The following ATXN2L variants were observed in gnomAD, a reference collection of about 807,000 sequenced individuals.
ATXN2L encodes ataxin 2 like.
A neutral mutation model predicts 120.7 loss-of-function variants in ATXN2L; 24 were observed. The observed-to-expected ratio is 0.20, with a 90% CI of 0.14 to 0.28. ATXN2L has a LOEUF of 0.28. Ranked by LOEUF, ATXN2L falls within the 10% of genes least tolerant of loss-of-function variation. The probability of loss-of-function intolerance (pLI) is 1.00; values close to 1 mark genes in which losing one functional copy is unlikely to be tolerated. For synonymous variants in ATXN2L, 653 were observed against 568.1 expected (o/e 1.15, Z -2.13); for missense variants, 1,312 against 1,432.3 (o/e 0.92, Z 1.36).
At chr16:28,825,869 T>C in intron 4 of ATXN2L, 28 bp downstream of exon 4, 2 of 1,593,892 alleles carry the variant, frequency 1.3e-6, no homozygotes, top group Non-Finnish European at 1.7e-6. Flanking sequence ...TAATTATTTT[T>C]GGAGTTGCAG....
At position 28,836,872 on chromosome 16, in the gene ATXN2L, A is replaced by G; in HGVS notation, c.*607A>G. The G allele has an allele frequency of 7.6e-7, 1 of 1,309,774 alleles. No individual in the cohort carries two copies. The highest frequency in any genetic ancestry group is 1.1e-6 in the Non-Finnish European group (1 of 925,372). 81.1% of individuals were successfully genotyped at this position (1,309,774 alleles called of 1,614,324 possible). Reference sequence around the variant, plus strand: ...CAGCTCGGACCACTCCCAGCCCCCCATCCCCCCGTTCCCCAGGGGAGCTGG... The same window carrying G: ...CAGCTCGGACCACTCCCAGCCCCCCGTCCCCCCGTTCCCCAGGGGAGCTGG... On this transcript the variant is annotated 3_prime_UTR_variant, in exon 22 of 22. Transcript: ENST00000336783.
chr16:28,836,442 T>C lies in ATXN2L; in HGVS notation c.*177T>C. The C allele has an allele frequency of 3.7e-6, 6 of 1,612,696 alleles. No individual in the cohort carries two copies. The highest frequency in any genetic ancestry group is 5.1e-6 in the Non-Finnish European group (6 of 1,179,660). ...TCCAGCAGCCCCCCTCCCCACTGCCTCCCCAGCTCTCAGTGACCCCGACTG... is the reference window on the plus strand; with the variant it reads ...TCCAGCAGCCCCCCTCCCCACTGCCCCCCCAGCTCTCAGTGACCCCGACTG... On this transcript the variant is annotated 3_prime_UTR_variant, in exon 22 of 22. Coordinates refer to ENST00000336783, the MANE Select transcript of ATXN2L (RefSeq NM_007245.4).
rs565431804 is a variant in ATXN2L at position 28,836,267 on chromosome 16, G to A, written c.*2G>A. 5 of 1,610,832 alleles carry A rather than the reference G, an allele frequency of 3.1e-6. No homozygotes were observed. The highest frequency in any genetic ancestry group is 1.7e-5 in the Admixed American group (1 of 59,864). On this transcript the variant is annotated 3_prime_UTR_variant, in exon 22 of 22. Transcript: ENST00000336783. Reference sequence around the variant, plus strand: ...GCACGGGTTCTGGGTGGGGAGTGAGGGGTCTTGGAGGCAGGGCTGTCCCAC... The same window carrying A: ...GCACGGGTTCTGGGTGGGGAGTGAGAGGTCTTGGAGGCAGGGCTGTCCCAC...
At chr16:28,823,622 TG>T in intron 1 of ATXN2L, 64 bp downstream of exon 1, 1 of 1,262,026 alleles carries the variant, frequency 7.9e-7, no homozygotes, top group Non-Finnish European at 1.0e-6. Context: ...TCGGTTCCGG[TG>T]GGGCGGACCC....
rs1226525224 is a variant in ATXN2L at position 28,823,422 on chromosome 16, G to T, written c.163G>T (p.Ala55Ser). ...SAAPPGPPAA[A>S]SPCLGPVAAA... ...GGCTCCTCCCGGGCCTCCAGCGGCC[G>T]CCTCCCCCTGCCTGGGGCCTGTGGC... The change falls in exon 1 of 22, where the codon GCC becomes TCC. Residue 55 changes from alanine to serine, a missense_variant. Ala to Ser is a moderately conservative substitution (Grantham distance 99, BLOSUM62 1). Transcript: ENST00000336783. 1 of 1,298,814 alleles carries T rather than the reference G, an allele frequency of 7.7e-7. No homozygotes were observed. The highest frequency in any genetic ancestry group is 9.7e-7 in the Non-Finnish European group (1 of 1,026,884). 80.5% of individuals were successfully genotyped at this position (1,298,814 alleles called of 1,614,324 possible). A position where few individuals can be genotyped will look rare whatever the true frequency, so the allele number is the denominator to read the frequency against.
At chr16:28,824,934 C>T (rs755299276) in intron 1 of ATXN2L, among the ~76,000 whole-genome samples, 5 of 151,956 alleles carry the variant, frequency 3.3e-5, no homozygotes, top group African/African-American at 4.8e-5. Flanking sequence ...ATTGGCCGGG[C>T]GCAGTGGCTC....
rs759899363 is a variant in ATXN2L at position 28,836,750 on chromosome 16, G to A, written c.*485G>A. ...CAGTTCAATCTCATCCCTCCCAGCA[G>A]CTCCCCTTCCACCCCCCGGGGAACT... On this transcript the variant is annotated 3_prime_UTR_variant, in exon 22 of 22. Transcript: ENST00000336783. 6.2e-7 allele frequency: 1 copy of A among 1,613,918 alleles called. No individual in the cohort carries two copies. Among genetic ancestry groups the A allele is most frequent in the Admixed American group, 1.7e-5 (1 of 59,986 alleles).
At chr16:28,835,815 G>C in intron 21 of ATXN2L, 57 bp downstream of exon 21, 1 of 1,606,968 alleles carries the variant, frequency 6.2e-7, no homozygotes, top group East Asian at 2.2e-5. Flanking sequence ...TCTGCCATGG[G>C]GACCATCCCA....
chr16:28,827,097 G>A, intron 6 of ATXN2L, 111 bp downstream of exon 6: 1 of 1,130,408 alleles, frequency 8.8e-7, no homozygotes, highest in African/African-American at 1.6e-5. Context: ...ATTGATGGTA[G>A]TCAGATAACA....
At position 28,824,386 on chromosome 16, in the gene ATXN2L, T is replaced by G. The variant is rs893331997; in HGVS notation, c.299+828T>G. ...GGGGTTCGGAAAGTCCCGTGGGTTT[T>G]AGTGCGCAGGCGCAGACCGGGCGAG... On this transcript the variant is annotated intron_variant, in intron 1 of 21. Coordinates refer to ENST00000336783, the MANE Select transcript of ATXN2L (RefSeq NM_007245.4). 3 of 1,257,506 alleles carry G rather than the reference T, an allele frequency of 2.4e-6. No homozygotes were observed. In the Admixed American group the frequency reaches 7.5e-5, roughly 32 times the overall value. The allele number at this position is 1,257,506 out of a possible 1,614,324, so 77.9% of individuals were successfully genotyped here.
chr16:28,823,630 A>C (rs2050395283), intron 1 of ATXN2L, 72 bp downstream of exon 1: 1 of 1,243,824 alleles, frequency 8.0e-7, no homozygotes, highest in African/African-American at 1.6e-5. Flanking sequence ...GGTGGGGCGG[A>C]CCCCGACCCG....
chr16:28,825,934 G>C (rs926293101), intron 4 of ATXN2L, 93 bp downstream of exon 4: 1 of 1,251,336 alleles, frequency 8.0e-7, no homozygotes, highest in Non-Finnish European at 1.2e-6. Context: ...TGATGTCAGA[G>C]TATGCCTTTA....
intron 1 of ATXN2L, chr16:28,824,359 T>TA: frequency 8.2e-7 from 1 of 1,224,662 alleles, no homozygotes; most frequent in Non-Finnish European, 1.0e-6. Flanking sequence ...TCGCTGGAGG[T>TA]GGGGGTTCGG....
chr16:28,834,118 C>G lies in ATXN2L; in HGVS notation c.2079C>G (p.Pro693=), dbSNP rs553552202. 1 of 1,614,192 alleles carries G rather than the reference C, an allele frequency of 6.2e-7. No homozygotes were observed. The highest frequency in any genetic ancestry group is 1.3e-5 in the African/African-American group (1 of 75,056). The change falls in exon 16 of 22, where the codon CCC becomes CCG. Residue 693 remains proline (P), a synonymous_variant. Coordinates refer to ENST00000336783, the MANE Select transcript of ATXN2L (RefSeq NM_007245.4). ...TSPGPRTHST[P]SIPVLTAGQS... ...CGGGGCCCCGGACTCATTCAACTCC[C>G]TCCATCCCGGTGCTGACAGCAGGCC...
Position 28,823,495 on chromosome 16 carries a change from C to A in ATXN2L, c.236C>A (p.Pro79Gln). 1 of 1,382,114 alleles carries A rather than the reference C, an allele frequency of 7.2e-7. No homozygotes were observed. The highest frequency in any genetic ancestry group is 1.6e-5 in the South Asian group (1 of 62,320). The allele number at this position is 1,382,114 out of a possible 1,614,324, so 85.6% of individuals were successfully genotyped here. A position where few individuals can be genotyped will look rare whatever the true frequency, so the allele number is the denominator to read the frequency against. ...CGGGGAGCCGAAGGCATCTTGGCGC[C>A]GCAGCCGCCGCCGCCGCAGCAACAC... ...LRRGAEGILA[P>Q]QPPPPQQHQE... The change falls in exon 1 of 22, where the codon CCG becomes CAG. Residue 79 changes from proline (P) to glutamine (Q), a missense_variant. By Grantham distance (76) the Pro-to-Gln change is moderately conservative. Transcript: ENST00000336783.
At chr16:28,823,876 G>C (rs1224530081) in intron 1 of ATXN2L, 2 of 306,074 alleles carry the variant, frequency 6.5e-6, no homozygotes, top group Non-Finnish European at 1.2e-5. Context: ...AGCTGATCGG[G>C]GTCCCCGGTT....
chr16:28,837,047 A>G lies in ATXN2L; in HGVS notation c.*782A>G. On this transcript the variant is annotated 3_prime_UTR_variant, in exon 22 of 22. Transcript: ENST00000336783. ...TCATCTATTCCCCCGCTGGAGACGG[A>G]AGATCTTTTATTTTCTATTATTTAT... 1.6e-6 allele frequency: 1 copy of G among 643,868 alleles called. No homozygotes were observed. Among genetic ancestry groups the G allele is most frequent in the Non-Finnish European group, 2.9e-6 (1 of 349,294 alleles). 39.9% of individuals were successfully genotyped at this position (643,868 alleles called of 1,614,324 possible).
At position 28,835,625 on chromosome 16, in the gene ATXN2L, G is replaced by A. The variant is rs772564326; in HGVS notation, c.2762G>A (p.Gly921Asp). The A allele has an allele frequency of 6.2e-7, 1 of 1,613,990 alleles. No individual in the cohort carries two copies. Among genetic ancestry groups the A allele is most frequent in the Admixed American group, 1.7e-5 (1 of 60,018 alleles). Residue 921 changes from glycine to aspartate, a missense_variant, in exon 21 of 22, where the codon GGC (glycine) becomes GAC (aspartate). Physicochemically the swap from Gly to Asp is moderately conservative, Grantham distance 94. Coordinates refer to ENST00000336783, the MANE Select transcript of ATXN2L (RefSeq NM_007245.4). ...QNLYHPGALT[G>D]TPPSLPPGPS... is the part of the protein sequence containing the mutation. ...CTGTACCACCCAGGGGCCCTGACAG[G>A]CACGCCGCCCTCTCTGCCACCGGGA...
At position 28,834,618 on chromosome 16, in the gene ATXN2L, C is replaced by T; in HGVS notation, c.2358C>T (p.Ser786=). 3 of 1,613,956 alleles carry T rather than the reference C, an allele frequency of 1.9e-6. No homozygotes were observed. The highest frequency in any genetic ancestry group is 2.5e-6 in the Non-Finnish European group (3 of 1,180,004). ...TGGTGGCTGCCACGCCCTATTCTTC[C>T]TACATCCCCTACAACCCTCAGCAGT... ...PPLVAATPYS[S]YIPYNPQQFP... Residue 786 remains serine (S), a synonymous_variant, in exon 18 of 22, where the codon TCC becomes TCT. Coordinates refer to ENST00000336783, the MANE Select transcript of ATXN2L (RefSeq NM_007245.4).
Sources: gnomAD v4.1 joint callset for allele counts (sites outside exome capture counted in the v4.1 genomes callset) on GRCh38, gnomAD v4.1.1 for gene constraint, MANE v1.5 for transcripts, NCBI Gene and HGNC (gene_info 2026-07-23, HGNC 2026-07-21) for gene names.